ZC3H13: variants seen among roughly 807,000 people sequenced by gnomAD.
ZC3H13 encodes zinc finger CCCH domain-containing protein 13.
In ZC3H13, 64 loss-of-function variants were observed where a neutral mutation model predicts 204.1. The observed-to-expected ratio is 0.31, with a 90% CI of 0.26 to 0.39. The LOEUF (loss-of-function observed/expected upper bound fraction) is 0.39, where lower values mean the gene tolerates loss of function less well. Among genes scored for constraint, ZC3H13 ranks in the 10% least tolerant of loss-of-function variants. The pLI, the probability that ZC3H13 is intolerant of heterozygous loss-of-function variation, is 1.00. For missense variants in ZC3H13, 1,833 were observed against 2,082.7 expected (o/e 0.88, Z 2.33); for synonymous variants, 667 against 693.7 (o/e 0.96, Z 0.60).
chr13:46,023,859 G>C (rs1187974388), intron 4 of ZC3H13, among the ~76,000 whole-genome samples: 1 of 152,108 alleles, frequency 6.6e-6, no homozygotes, highest in Non-Finnish European at 1.5e-5. Flanking sequence ...ACCATAATAA[G>C]AAGCAATCTG....
chr13:46,029,658 G>A (rs2042765647), intron 4 of ZC3H13, among the ~76,000 whole-genome samples: 1 of 151,724 alleles, frequency 6.6e-6, no homozygotes, highest in Non-Finnish European at 1.5e-5. Context: ...TCGATCTCCT[G>A]ACCTCGTGAT....
chr13:46,049,038 G>C (rs1386506382), intron 1 of ZC3H13, among the ~76,000 whole-genome samples: 3 of 151,784 alleles, frequency 2.0e-5, no homozygotes, highest in South Asian at 4.2e-4. Flanking sequence ...TGTAATCCCA[G>C]CTACTCGGGA....
rs146102553 is a variant in ZC3H13 at position 45,996,916 on chromosome 13, C to A, written c.944+6223G>T. Among the ~76,000 whole-genome samples, 3 of 152,288 alleles carry A rather than the reference C, an allele frequency of 2.0e-5. No homozygotes were observed. In the East Asian group the frequency reaches 5.8e-4, roughly 29 times the overall value. On this transcript the variant is annotated intron_variant, in intron 8 of 18. Coordinates refer to ENST00000679008, the MANE Select transcript of ZC3H13 (RefSeq NM_001330564.2). ...ATTCATGCATAGTATATACAAGGTT[C>A]AGCACTATCTGCCATTTCTGGCATC...
intron 3 of ZC3H13, among the ~76,000 whole-genome samples, chr13:46,044,542 A>C (rs1817940306): frequency 6.6e-6 from 1 of 152,142 alleles, no homozygotes; most frequent in African/African-American, 2.4e-5. Context: ...GAATTTGTAC[A>C]AAATTTGAAT....
intron 18 of ZC3H13, 95 bp from the exon 19 acceptor site, chr13:45,957,392 T>C (rs915111626): frequency 8.9e-7 from 1 of 1,120,072 alleles, no homozygotes; most frequent in African/African-American, 1.6e-5. Flanking sequence ...ATCAAAGTTA[T>C]AAGAGTATTT....
intron 10 of ZC3H13, among the ~76,000 whole-genome samples, chr13:45,982,273 T>G (rs1049542824): frequency 1.3e-5 from 2 of 151,866 alleles, no homozygotes; most frequent in Non-Finnish European, 1.5e-5. Flanking sequence ...AAGAAAAAAT[T>G]TAAAACATTT....
At chr13:46,003,500 A>G (rs574987567) in intron 7 of ZC3H13, among the ~76,000 whole-genome samples, 164 bp from the exon 8 acceptor site, 46 of 152,318 alleles carry the variant, frequency 3.0e-4, no homozygotes, top group African/African-American at 1.1e-3. Context: ...GAAATGGCTG[A>G]AGAATTAATT....
At chr13:46,031,787 G>A (rs147454076) in intron 4 of ZC3H13, among the ~76,000 whole-genome samples, 70 of 152,286 alleles carry the variant, frequency 4.6e-4, no homozygotes, top group Non-Finnish European at 9.0e-4. Flanking sequence ...ATAAATGCTG[G>A]CAGGATGTGG....
At chr13:45,963,234 C>T in intron 17 of ZC3H13, 1 of 985,522 alleles carries the variant, frequency 1.0e-6, no homozygotes, top group Non-Finnish European at 1.2e-6. Flanking sequence ...CCTTACAGAC[C>T]AAGCTCTTAA....
chr13:45,999,389 T>C (rs2040580969), intron 8 of ZC3H13, among the ~76,000 whole-genome samples: 1 of 152,240 alleles, frequency 6.6e-6, no homozygotes, highest in African/African-American at 2.4e-5. Flanking sequence ...ACACTCTGAA[T>C]TCTTTGGTGT....
intron 17 of ZC3H13, among the ~76,000 whole-genome samples, 154 bp from the exon 18 acceptor site, chr13:45,959,800 G>A (rs1470703789): frequency 2.6e-5 from 4 of 152,090 alleles, no homozygotes; most frequent in African/African-American, 9.7e-5. Flanking sequence ...TCTCTGTGAA[G>A]CACCTTCAAC....
At chr13:45,961,038 G>C (rs1951646063) in intron 17 of ZC3H13, among the ~76,000 whole-genome samples, 1 of 152,122 alleles carries the variant, frequency 6.6e-6, no homozygotes, top group Admixed American at 6.5e-5. Flanking sequence ...CAGCTGAGGA[G>C]CTTTTTAAAA....
At position 45,964,514 on chromosome 13, in the gene ZC3H13, C is replaced by A. The variant is rs908059508; in HGVS notation, c.4475-472G>T. On this transcript the variant is annotated intron_variant, in intron 16 of 18. Transcript: ENST00000679008. Reference sequence around the variant, plus strand: ...TTATTAACACTGAGAGCAAATAATCCATCCACTGCGAAGGAACAGTTGAAG... The same window carrying A: ...TTATTAACACTGAGAGCAAATAATCAATCCACTGCGAAGGAACAGTTGAAG... Among the ~76,000 whole-genome samples the A allele has an allele frequency of 2.2e-4, 33 of 152,268 alleles. 1 individual carries two copies. The highest frequency in any genetic ancestry group is 6.7e-4 in the African/African-American group (28 of 41,538).
intron 8 of ZC3H13, among the ~76,000 whole-genome samples, chr13:45,995,970 C>T (rs1289911236): frequency 6.6e-6 from 1 of 152,020 alleles, no homozygotes; most frequent in Non-Finnish European, 1.5e-5. Context: ...TTCATTTGAC[C>T]ACAAAGTCCT....
intron 8 of ZC3H13, among the ~76,000 whole-genome samples, chr13:45,993,785 G>T (rs888503058): frequency 6.6e-6 from 1 of 152,100 alleles, no homozygotes; most frequent in African/African-American, 2.4e-5. Flanking sequence ...ATTTCTAACT[G>T]AACAATCTTA....
chr13:46,020,212 T>A (rs1171851190), intron 5 of ZC3H13, among the ~76,000 whole-genome samples: 1 of 152,124 alleles, frequency 6.6e-6, no homozygotes, highest in African/African-American at 2.4e-5. Context: ...CACAATAAAG[T>A]TCTAGAGGGA....
In ZC3H13 at chr13:46,044,490, C is replaced by A. The variant is rs1225649822; in HGVS notation, c.227+465G>T. On this transcript the variant is annotated intron_variant, in intron 3 of 18. Transcript: ENST00000679008. ...ACATATAAATACATATTTTCATTAA[C>A]ATACTGTGCTAAGGGATTTGGCAAA... is the stretch of plus-strand genomic sequence containing the variant. Among the ~76,000 whole-genome samples, 5 of 152,032 alleles carry A rather than the reference C, an allele frequency of 3.3e-5. No homozygotes were observed. In the South Asian group the frequency reaches 1.0e-3, roughly 31 times the overall value.
intron 4 of ZC3H13, among the ~76,000 whole-genome samples, chr13:46,032,980 AAAT>A (rs1242834760): frequency 6.7e-6 from 1 of 149,300 alleles, no homozygotes; most frequent in Non-Finnish European, 1.5e-5. Flanking sequence ...ATATATATGT[AAAT>A]ATTAAATATA....
rs1593827742 is a variant in ZC3H13, at chr13:46,045,377, T to C, written c.117+14A>G. The C allele has an allele frequency of 6.3e-7, 1 of 1,598,058 alleles. No individual in the cohort carries two copies. Among genetic ancestry groups the C allele is most frequent in the Non-Finnish European group, 8.6e-7 (1 of 1,165,568 alleles). On this transcript the variant is annotated intron_variant, in intron 2 of 18. Transcript: ENST00000679008. ...TCTAAGAGAACCCCTGTGACTATAC[T>C]AGTGACAACTCACCTCTGCTGTACT...
Sources: allele counts gnomAD v4.1 joint callset (sites outside exome capture counted in the v4.1 genomes callset), GRCh38; gene constraint gnomAD v4.1.1; transcripts MANE v1.5; gene names NCBI Gene and HGNC (gene_info 2026-07-23, HGNC 2026-07-21).